Variants in KCNH7 observed in about 807,000 individuals in gnomAD.
KCNH7 encodes potassium voltage-gated channel subfamily H member 7.
A neutral mutation model predicts 120.8 loss-of-function variants in KCNH7; 49 were observed. That is an observed-to-expected ratio of 0.41 (90% CI 0.32 to 0.51). The LOEUF is 0.51. Among genes scored for constraint, KCNH7 ranks in the 20% least tolerant of loss-of-function variants. The probability of loss-of-function intolerance (pLI) is 0.38; values close to 1 mark genes in which losing one functional copy is unlikely to be tolerated. For synonymous variants in KCNH7, 547 were observed against 516.1 expected (o/e 1.06, Z -0.81); for missense variants, 1,097 against 1,446.6 (o/e 0.76, Z 3.92).
At chr2:162,622,237 A>G (rs1177695612) in intron 2 of KCNH7, among the ~76,000 whole-genome samples, 4 of 152,206 alleles carry the variant, frequency 2.6e-5, no homozygotes. Flanking sequence ...CACATAAAAC[A>G]TCATGGGAGA....
intron 2 of KCNH7, among the ~76,000 whole-genome samples, chr2:162,759,340 C>G (rs1437991562): frequency 6.6e-6 from 1 of 152,036 alleles, no homozygotes; most frequent in Non-Finnish European, 1.5e-5. Context: ...CTAATAGCTG[C>G]ATGGTATCAT....
intron 2 of KCNH7, among the ~76,000 whole-genome samples, chr2:162,713,438 T>C (rs1303197222): frequency 6.6e-6 from 1 of 152,136 alleles, no homozygotes; most frequent in Non-Finnish European, 1.5e-5. Context: ...TATTTTAGCA[T>C]TAAGAAAGAT....
At chr2:162,572,782 T>C (rs1251543496) in intron 2 of KCNH7, among the ~76,000 whole-genome samples, 1 of 144,070 alleles carries the variant, frequency 6.9e-6, no homozygotes, top group Non-Finnish European at 1.5e-5. Flanking sequence ...TCATTCTCAG[T>C]AAACTACCAC....
intron 2 of KCNH7, among the ~76,000 whole-genome samples, chr2:162,663,454 T>C (rs1685036872): frequency 6.6e-6 from 1 of 152,170 alleles, no homozygotes; most frequent in East Asian, 1.9e-4. Flanking sequence ...AAGTTGAATT[T>C]CTCTTTTTCA....
At chr2:162,519,694 T>A (rs1479751707) in intron 3 of KCNH7, among the ~76,000 whole-genome samples, 1 of 151,832 alleles carries the variant, frequency 6.6e-6, no homozygotes, top group Non-Finnish European at 1.5e-5. Flanking sequence ...GCAAAGATTG[T>A]CATTTTTATT....
chr2:162,419,502 A>G (rs1487604177), intron 9 of KCNH7, among the ~76,000 whole-genome samples: 1 of 152,070 alleles, frequency 6.6e-6, no homozygotes, highest in African/African-American at 2.4e-5. Context: ...CAGAGAGGTT[A>G]AGTGACTTGT....
At chr2:162,831,266 CTAA>C (rs924658056) in intron 2 of KCNH7, among the ~76,000 whole-genome samples, 86 of 152,214 alleles carry the variant, frequency 5.6e-4, no homozygotes, top group African/African-American at 2.0e-3. Context: ...ATTCTTGGCG[CTAA>C]TAAGCCATCA....
intron 2 of KCNH7, among the ~76,000 whole-genome samples, chr2:162,588,866 C>T (rs1352492383): frequency 1.3e-5 from 2 of 152,006 alleles, no homozygotes; most frequent in African/African-American, 4.8e-5. Flanking sequence ...TTAACAAAAT[C>T]CAATAATGGT....
chr2:162,592,919 A>T (rs1008519432), intron 2 of KCNH7, among the ~76,000 whole-genome samples: 1 of 152,046 alleles, frequency 6.6e-6, no homozygotes, highest in Non-Finnish European at 1.5e-5. Flanking sequence ...TAAATGAATG[A>T]GTATCTGCAG....
chr2:162,468,575 C>A (rs1262825925), intron 6 of KCNH7, among the ~76,000 whole-genome samples: 1 of 122,744 alleles, frequency 8.1e-6, no homozygotes, highest in African/African-American at 3.3e-5. Flanking sequence ...GGATGGAGTG[C>A]AGTGGTGTGA....
chr2:162,834,014 A>G (rs1199473730), intron 2 of KCNH7, among the ~76,000 whole-genome samples: 1 of 152,148 alleles, frequency 6.6e-6, no homozygotes, highest in Non-Finnish European at 1.5e-5. Context: ...TCAAAAGTCA[A>G]TGGCATCAAT....
intron 2 of KCNH7, among the ~76,000 whole-genome samples, chr2:162,565,503 T>C (rs1014122052): frequency 1.3e-5 from 2 of 152,028 alleles, no homozygotes; most frequent in African/African-American, 4.8e-5. Flanking sequence ...TGACAGTTTT[T>C]ACTGAATGGT....
chr2:162,512,491 T>C (rs1471426293), intron 5 of KCNH7, among the ~76,000 whole-genome samples, 163 bp downstream of exon 5: 1 of 151,764 alleles, frequency 6.6e-6, no homozygotes, highest in Non-Finnish European at 1.5e-5. Flanking sequence ...GAAATAACAA[T>C]GTCTGTAGCA....
chr2:162,440,412 A>C (rs1255180173), intron 7 of KCNH7, among the ~76,000 whole-genome samples: 1 of 151,894 alleles, frequency 6.6e-6, no homozygotes, highest in Non-Finnish European at 1.5e-5. Context: ...ATTACTCCAC[A>C]CTCATATTTT....
intron 2 of KCNH7, among the ~76,000 whole-genome samples, chr2:162,766,265 A>G (rs1328470295): frequency 2.0e-5 from 3 of 152,154 alleles, no homozygotes; most frequent in Non-Finnish European, 4.4e-5. Flanking sequence ...TTTCAGCACT[A>G]GTCAGCGTTG....
intron 2 of KCNH7, among the ~76,000 whole-genome samples, chr2:162,712,894 G>A (rs1312495223): frequency 6.6e-6 from 1 of 152,158 alleles, no homozygotes; most frequent in Non-Finnish European, 1.5e-5. Context: ...ACATTTGATT[G>A]TAAAATGCCA....
chr2:162,807,271 A>AAC (rs1684579193), intron 2 of KCNH7, among the ~76,000 whole-genome samples: 1 of 139,432 alleles, frequency 7.2e-6, no homozygotes, highest in Admixed American at 7.5e-5. Context: ...AAAAAAAAAA[A>AAC]AAAAAAAAAA....
intron 14 of KCNH7, among the ~76,000 whole-genome samples, chr2:162,376,104 A>G (rs1686165621): frequency 6.6e-6 from 1 of 152,252 alleles, no homozygotes; most frequent in African/African-American, 2.4e-5. Context: ...GAGACCCACA[A>G]TGTAGCAGGC....
chr2:162,823,196 G>C (rs770517736), intron 2 of KCNH7, among the ~76,000 whole-genome samples: 2 of 150,690 alleles, frequency 1.3e-5, no homozygotes, highest in Non-Finnish European at 3.0e-5. Context: ...ATTTGTAAAT[G>C]AGAACAATAA....
Sources: allele counts gnomAD v4.1 joint callset (sites outside exome capture counted in the v4.1 genomes callset), GRCh38; gene constraint gnomAD v4.1.1; transcripts MANE v1.5; gene names NCBI Gene and HGNC (gene_info 2026-07-23, HGNC 2026-07-21).